The following NTF3 variants were observed in gnomAD, a reference collection of about 807,000 sequenced individuals.
NTF3 encodes the protein neurotrophin 3.
In NTF3, 8 loss-of-function variants were observed where a neutral mutation model predicts 26.3. That is an observed-to-expected ratio of 0.30 (90% CI 0.18 to 0.55). NTF3 has a LOEUF of 0.55. Among genes scored for constraint, NTF3 ranks in the 20% least tolerant of loss-of-function variants. The pLI is 0.93. For synonymous variants in NTF3, 154 were observed against 145.5 expected (o/e 1.06, Z -0.42); for missense variants, 276 against 352.9 (o/e 0.78, Z 1.75).
intron 1 of NTF3, among the ~76,000 whole-genome samples, chr12:5,441,031 A>G (rs1206862023): frequency 6.6e-6 from 1 of 152,208 alleles, no homozygotes. Context: ...AGTTGGGAGT[A>G]TGCGAGAGGT....
intron 1 of NTF3, among the ~76,000 whole-genome samples, chr12:5,464,606 T>C (rs1184017821): frequency 1.2e-4 from 18 of 152,172 alleles, no homozygotes; most frequent in African/African-American, 4.1e-4. Context: ...CCAGTGAGCC[T>C]GGGTGGGGCC....
upstream of NTF3, among the ~76,000 whole-genome samples, chr12:5,430,894 C>A (rs1309811242): frequency 1.3e-5 from 2 of 151,740 alleles, no homozygotes; most frequent in Non-Finnish European, 2.9e-5. Context: ...GGGCTTGGAG[C>A]GGAGGTCCAC....
chr12:5,434,936 G>T (rs567425859), intron 1 of NTF3, among the ~76,000 whole-genome samples: 23 of 152,218 alleles, frequency 1.5e-4, no homozygotes, highest in South Asian at 6.2e-4. Context: ...GGGTAGAAAA[G>T]TGTGAGCTCA....
At chr12:5,478,427 G>T (rs1477459419) in intron 1 of NTF3, among the ~76,000 whole-genome samples, 1 of 152,202 alleles carries the variant, frequency 6.6e-6, no homozygotes, top group Non-Finnish European at 1.5e-5. Context: ...ATCAATGCCA[G>T]TATAAAAAGA....
chr12:5,465,124 A>G (rs1940573450), intron 1 of NTF3, among the ~76,000 whole-genome samples: 1 of 152,156 alleles, frequency 6.6e-6, no homozygotes, highest in South Asian at 2.1e-4. Flanking sequence ...CCAAGCTCAC[A>G]TCTCCCGCCC....
intron 1 of NTF3, among the ~76,000 whole-genome samples, chr12:5,484,226 C>T (rs1213295535): frequency 1.3e-5 from 2 of 152,138 alleles, no homozygotes; most frequent in Non-Finnish European, 1.5e-5. Flanking sequence ...CAAGTCACTT[C>T]CCCCCATAAC....
intron 1 of NTF3, among the ~76,000 whole-genome samples, chr12:5,484,624 A>G (rs1940845829): frequency 6.6e-6 from 1 of 152,200 alleles, no homozygotes; most frequent in African/African-American, 2.4e-5. Flanking sequence ...ATTCCCCAGC[A>G]TCATGTTATG....
At chr12:5,434,494 T>C (rs887849849) in intron 1 of NTF3, among the ~76,000 whole-genome samples, 2 of 151,534 alleles carry the variant, frequency 1.3e-5, no homozygotes, top group Non-Finnish European at 2.9e-5. Context: ...TGTGTGTGTG[T>C]GTGTGTGTGT....
chr12:5,490,736 G>A (rs7484401), intron 1 of NTF3, among the ~76,000 whole-genome samples: 1 of 151,976 alleles, frequency 6.6e-6, no homozygotes, highest in African/African-American at 2.4e-5. Context: ...TCTGGGCTTC[G>A]AGTTCATAAT....
At chr12:5,469,292 G>C (rs1309615182) in intron 1 of NTF3, among the ~76,000 whole-genome samples, 1 of 152,152 alleles carries the variant, frequency 6.6e-6, no homozygotes, top group Non-Finnish European at 1.5e-5. Context: ...GGAGAAGTCA[G>C]ACCATAATGA....
At chr12:5,487,105 AG>A (rs1405336069) in intron 1 of NTF3, among the ~76,000 whole-genome samples, 6 of 152,224 alleles carry the variant, frequency 3.9e-5, no homozygotes, top group Non-Finnish European at 8.8e-5. Flanking sequence ...TGATATGCAA[AG>A]GATAAAGTAA....
chr12:5,447,518 T>G (rs1389677892), intron 1 of NTF3, among the ~76,000 whole-genome samples: 1 of 152,206 alleles, frequency 6.6e-6, no homozygotes, highest in Non-Finnish European at 1.5e-5. Flanking sequence ...AAGTTCTAGT[T>G]CTATTTCTGT....
intron 1 of NTF3, among the ~76,000 whole-genome samples, chr12:5,459,039 A>T (rs1940491330): frequency 6.6e-6 from 1 of 152,158 alleles, no homozygotes; most frequent in Non-Finnish European, 1.5e-5. Context: ...GGCAGGTTTG[A>T]CTGTAACAAC....
chr12:5,453,288 G>A (rs1161319089), intron 1 of NTF3, among the ~76,000 whole-genome samples: 1 of 152,176 alleles, frequency 6.6e-6, no homozygotes, highest in African/African-American at 2.4e-5. Context: ...TGATGTATGT[G>A]TGACTTACTG....
chr12:5,455,807 G>A (rs1166824978), intron 1 of NTF3, among the ~76,000 whole-genome samples: 1 of 152,188 alleles, frequency 6.6e-6, no homozygotes, highest in Non-Finnish European at 1.5e-5. Context: ...CAAGAAGCTG[G>A]CTCTATCCTT....
intron 1 of NTF3, among the ~76,000 whole-genome samples, chr12:5,451,618 C>T (rs997612975): frequency 3.9e-5 from 6 of 152,158 alleles, no homozygotes; most frequent in African/African-American, 1.4e-4. Flanking sequence ...CATTCTTTCT[C>T]TGTGTGTGCA....
chr12:5,454,493 G>T (rs2121175923), intron 1 of NTF3, among the ~76,000 whole-genome samples: 1 of 152,170 alleles, frequency 6.6e-6, no homozygotes, highest in East Asian at 1.9e-4. Context: ...ACCCATAATG[G>T]GAAGGAAAGA....
intron 1 of NTF3, among the ~76,000 whole-genome samples, chr12:5,467,389 T>G (rs1242457546): frequency 6.6e-6 from 1 of 152,164 alleles, no homozygotes; most frequent in Non-Finnish European, 1.5e-5. Flanking sequence ...ATGATAGTAT[T>G]GCATTAAAAG....
chr12:5,451,178 A>G (rs1940368125), intron 1 of NTF3, among the ~76,000 whole-genome samples: 1 of 152,236 alleles, frequency 6.6e-6, no homozygotes. Flanking sequence ...GGGATAATAT[A>G]ATGAACTACC....
Sources: allele counts gnomAD v4.1 joint callset (sites outside exome capture counted in the v4.1 genomes callset), GRCh38; gene constraint gnomAD v4.1.1; transcripts MANE v1.5; gene names NCBI Gene and HGNC (gene_info 2026-07-23, HGNC 2026-07-21).